Variants in ENTREP3 observed in about 807,000 individuals in gnomAD.
ENTREP3 encodes the protein protein ENTREP3.
chr1:155,255,071 C>T, the ENTREP3 span: 1 of 601,710 alleles, frequency 1.7e-6, no homozygotes, highest in South Asian at 2.0e-5. The surrounding 1 kb of genome is among the most constrained non-coding windows in gnomAD (Gnocchi z 5.6). Context: ...CACGGAGGGA[C>T]CGCGGAGTGC....
chr1:155,252,002 G>A, the ENTREP3 span: 3 of 887,252 alleles, frequency 3.4e-6, no homozygotes, highest in Non-Finnish European at 4.9e-6. Flanking sequence ...ATTTTTTCTG[G>A]CCCTATCCCC....
the ENTREP3 span, chr1:155,247,393 G>A: frequency 2.0e-6 from 1 of 505,930 alleles, no homozygotes. Flanking sequence ...CTTCGTGCCT[G>A]CCTTACCACC....
the ENTREP3 span, chr1:155,253,896 G>A: frequency 1.9e-6 from 3 of 1,612,746 alleles, no homozygotes; most frequent in Non-Finnish European, 2.5e-6. Context: ...GGTGGAGTTA[G>A]GGGCAACTTT....
At chr1:155,252,284 A>G in the ENTREP3 span, among the ~76,000 whole-genome samples, 1 of 150,298 alleles carries the variant, frequency 6.7e-6, no homozygotes, top group African/African-American at 2.5e-5. Flanking sequence ...TGCAACCCCC[A>G]CCTCCCAAGA....
the ENTREP3 span, chr1:155,253,774 G>T: frequency 6.2e-7 from 1 of 1,606,676 alleles, no homozygotes. Context: ...AGACGGCTAA[G>T]TTCCACACAT....
chr1:155,247,449 T>C, the ENTREP3 span: 2 of 591,066 alleles, frequency 3.4e-6, no homozygotes, highest in African/African-American at 3.7e-5. Flanking sequence ...ACCTGGGCCA[T>C]GCCTTTGCCC....
At chr1:155,248,633 G>C in the ENTREP3 span, among the ~76,000 whole-genome samples, 1 of 148,772 alleles carries the variant, frequency 6.7e-6, no homozygotes, top group Non-Finnish European at 1.5e-5. Flanking sequence ...CCAGCAACTA[G>C]ATGGTACAAT....
the ENTREP3 span, chr1:155,251,834 G>C: frequency 1.3e-6 from 2 of 1,554,316 alleles, no homozygotes; most frequent in East Asian, 4.6e-5. Flanking sequence ...TGGTGTGTAG[G>C]AGAGGGGCTG....
chr1:155,254,665 C>A, the ENTREP3 span: 3 of 1,608,368 alleles, frequency 1.9e-6, no homozygotes, highest in Non-Finnish European at 2.5e-6. The surrounding 1 kb of genome is among the most constrained non-coding windows in gnomAD (Gnocchi z 4.4). Context: ...AGAACCCAGC[C>A]CAAGACGGGC....
chr1:155,248,333 A>G, the ENTREP3 span: 1 of 1,613,584 alleles, frequency 6.2e-7, no homozygotes, highest in Middle Eastern at 1.7e-4. Context: ...AGAGAATGGT[A>G]TTGTAGGGTG....
At chr1:155,251,416 A>G in the ENTREP3 span, 5 of 975,224 alleles carry the variant, frequency 5.1e-6, no homozygotes, top group Non-Finnish European at 7.9e-6. Flanking sequence ...CACTGTTACT[A>G]TCTTTATCCA....
the ENTREP3 span, among the ~76,000 whole-genome samples, chr1:155,252,365 T>C: frequency 6.6e-6 from 1 of 151,310 alleles, no homozygotes; most frequent in African/African-American, 2.4e-5. Context: ...GCCCAGCTAA[T>C]TATTATTATT....
the ENTREP3 span, chr1:155,247,851 G>A: frequency 2.1e-5 from 32 of 1,502,264 alleles, no homozygotes; most frequent in Admixed American, 7.2e-4. Context: ...GCTCCAGCCT[G>A]CGGCCAGACA....
At chr1:155,252,210 C>T in the ENTREP3 span, 5 of 266,332 alleles carry the variant, frequency 1.9e-5, no homozygotes, top group Non-Finnish European at 2.7e-5. Flanking sequence ...CTAGGACCTT[C>T]TTTTTTTTTT....
chr1:155,254,844 GCGAGCGGCTGGAGTCAC>G, the ENTREP3 span: 5 of 1,590,264 alleles, frequency 3.1e-6, no homozygotes, highest in Non-Finnish European at 4.3e-6. The surrounding 1 kb of genome is among the most constrained non-coding windows in gnomAD (Gnocchi z 4.4). Context: ...CGGCTGGTCA[GCGAGCGGCTGGAGTCAC>G]TAGGCGAGGG....
At chr1:155,249,076 C>CT in the ENTREP3 span, among the ~76,000 whole-genome samples, 1 of 151,676 alleles carries the variant, frequency 6.6e-6, no homozygotes, top group African/African-American at 2.4e-5. Context: ...TGTTATTATA[C>CT]ATGTTTTTTG....
At chr1:155,249,885 CAAAA>C in the ENTREP3 span, among the ~76,000 whole-genome samples, 3 of 31,142 alleles carry the variant, frequency 9.6e-5, no homozygotes, top group South Asian at 9.9e-4. Context: ...GACACCGTCT[CAAAA>C]AAAAAAAAAA....
At chr1:155,250,455 G>A in the ENTREP3 span, 1 of 1,477,812 alleles carries the variant, frequency 6.8e-7, no homozygotes, top group Non-Finnish European at 8.9e-7. The surrounding 1 kb of genome is among the most constrained non-coding windows in gnomAD (Gnocchi z 5.4). Context: ...CCCTCCCCGG[G>A]GGACCCGCCG....
At chr1:155,252,002 GC>G in the ENTREP3 span, 1 of 887,254 alleles carries the variant, frequency 1.1e-6, no homozygotes, top group Non-Finnish European at 1.6e-6. Flanking sequence ...ATTTTTTCTG[GC>G]CCTATCCCCT....
Sources: gnomAD v4.1 joint callset for allele counts (sites outside exome capture counted in the v4.1 genomes callset) on GRCh38, gnomAD v4.1.1 for gene constraint, Gnocchi (gnomAD v3.1) non-coding constraint, MANE v1.5 for transcripts, NCBI Gene and HGNC (gene_info 2026-07-23, HGNC 2026-07-21) for gene names.